EXT1: variants seen among roughly 807,000 people sequenced by gnomAD.
The protein encoded by EXT1 is exostosin glycosyltransferase 1, also known as exostosin-1.
Under a neutral mutation model 82.5 loss-of-function variants are expected in EXT1, and 20 were observed. That is an observed-to-expected ratio of 0.24 (90% CI 0.17 to 0.35). The LOEUF (loss-of-function observed/expected upper bound fraction) is 0.35, where lower values mean the gene tolerates loss of function less well. Among genes scored for constraint, EXT1 ranks in the 10% least tolerant of loss-of-function variants. The probability of loss-of-function intolerance (pLI) is 1.00; values close to 1 mark genes in which losing one functional copy is unlikely to be tolerated. For synonymous variants in EXT1, 348 were observed against 350.8 expected, an observed-to-expected ratio of 0.99 and a Z score of 0.09; for missense variants, 757 against 936.5, an observed-to-expected ratio of 0.81 and a Z score of 2.50.
At chr8:118,098,532 A>AGGTG (rs1817659991) in intron 1 of EXT1, among the ~76,000 whole-genome samples, 1 of 152,052 alleles carries the variant, frequency 6.6e-6, no homozygotes. Flanking sequence ...CGAGGCGGAC[A>AGGTG]GATCACGAGG....
intron 5 of EXT1, among the ~76,000 whole-genome samples, chr8:117,821,843 A>G (rs888915725): frequency 7.2e-5 from 11 of 152,224 alleles, no homozygotes; most frequent in Non-Finnish European, 1.5e-5. Context: ...GTCTAAGGCA[A>G]TAACAGTAGC....
Position 118,008,739 on chromosome 8 carries a change from A to C in EXT1, c.962+101346T>G, listed in dbSNP as rs1359388304. Among the ~76,000 whole-genome samples the C allele has an allele frequency of 4.6e-5, 7 of 152,048 alleles. No homozygotes were observed. In the East Asian group the frequency reaches 1.3e-3, roughly 29 times the overall value. On this transcript the variant is annotated intron_variant, in intron 1 of 10. Transcript: ENST00000378204. The stretch of plus-strand genomic sequence containing the variant: ...TTGTTTCTAATCTTTTCTTATTAAA[A>C]CCACAGCTGCAATTAAAAAAAAATA...
chr8:118,054,859 C>T, intron 1 of EXT1, among the ~76,000 whole-genome samples: 1 of 152,106 alleles, frequency 6.6e-6, no homozygotes, highest in East Asian at 1.9e-4. Context: ...GGTTCCGAGG[C>T]CGCTCTGAGA....
intron 1 of EXT1, among the ~76,000 whole-genome samples, chr8:117,899,119 A>G (rs1813396492): frequency 6.6e-6 from 1 of 152,254 alleles, no homozygotes; most frequent in South Asian, 2.1e-4. Flanking sequence ...TGATAAGCAC[A>G]CATTTACGCT....
At chr8:118,103,097 A>G (rs958995325) in intron 1 of EXT1, among the ~76,000 whole-genome samples, 6 of 152,166 alleles carry the variant, frequency 3.9e-5, no homozygotes, top group Non-Finnish European at 7.4e-5. Context: ...AGGTTGCGGT[A>G]AGCCGAGATC....
At position 118,111,322 on chromosome 8, in the gene EXT1, C is replaced by A; in HGVS notation, c.-276G>T. 1 of 597,098 alleles carries A rather than the reference C, an allele frequency of 1.7e-6. No homozygotes were observed. The highest frequency in any genetic ancestry group is 3.0e-6 in the Non-Finnish European group (1 of 337,028). The allele number at this position is 597,098 out of a possible 1,614,324, so 37.0% of individuals were successfully genotyped here. A position where few individuals can be genotyped will look rare whatever the true frequency, so the allele number is the denominator to read the frequency against. On this transcript the variant is annotated 5_prime_UTR_variant, in exon 1 of 11. Transcript: ENST00000378204. ...TCTCGCACCCAGGGCGGGCGAGCAG[C>A]GGACTGTAATTTTCTTGCATGCAAC...
At chr8:118,025,488 A>G (rs777065895) in intron 1 of EXT1, among the ~76,000 whole-genome samples, 2 of 152,232 alleles carry the variant, frequency 1.3e-5, no homozygotes, top group African/African-American at 2.4e-5. Context: ...ACCTTGAAAG[A>G]CAGCTGAAGG....
intron 1 of EXT1, among the ~76,000 whole-genome samples, chr8:118,044,863 C>G (rs1816597236): frequency 6.6e-6 from 1 of 152,210 alleles, no homozygotes; most frequent in Non-Finnish European, 1.5e-5. Flanking sequence ...TGGAACATAG[C>G]TCATTTGTTT....
chr8:118,075,582 TA>T (rs1817192867), intron 1 of EXT1, among the ~76,000 whole-genome samples: 1 of 152,154 alleles, frequency 6.6e-6, no homozygotes, highest in African/African-American at 2.4e-5. Flanking sequence ...TTTTATAGTT[TA>T]TATATGGTAT....
rs529545508 is a variant in EXT1 at position 118,046,684 on chromosome 8, T to C, written c.962+63401A>G. On this transcript the variant is annotated intron_variant, in intron 1 of 10. Transcript: ENST00000378204. ...ACATTTATATACTTCCCTTCTAAAA[T>C]TGAAAACTCCTGGAGGGTAGTGGTC... Among the ~76,000 whole-genome samples, 19 of 152,310 alleles carry C rather than the reference T, an allele frequency of 1.2e-4. No individual in the cohort carries two copies. In the East Asian group the frequency reaches 2.3e-3, roughly 19 times the overall value.
intron 1 of EXT1, among the ~76,000 whole-genome samples, chr8:117,931,004 C>A (rs1303601307): frequency 6.6e-6 from 1 of 152,230 alleles, no homozygotes; most frequent in Non-Finnish European, 1.5e-5. Flanking sequence ...AATGCCAAGA[C>A]GTTATCTTAT....
chr8:117,907,518 C>T (rs1273673768), intron 1 of EXT1, among the ~76,000 whole-genome samples: 4 of 152,134 alleles, frequency 2.6e-5, no homozygotes, highest in African/African-American at 4.8e-5. Flanking sequence ...CTGAATTCAC[C>T]TGCTTACTGT....
intron 1 of EXT1, among the ~76,000 whole-genome samples, chr8:117,987,815 C>T (rs764472707): frequency 6.6e-6 from 1 of 152,166 alleles, no homozygotes; most frequent in Non-Finnish European, 1.5e-5. Context: ...TGGTCAGGTG[C>T]TGTGGCTCAT....
intron 1 of EXT1, among the ~76,000 whole-genome samples, chr8:117,849,458 G>T (rs1812418898): frequency 6.6e-6 from 1 of 152,186 alleles, no homozygotes; most frequent in Admixed American, 6.5e-5. Context: ...TTCCTCATGG[G>T]TTTATAAAGC....
chr8:117,857,520 C>T (rs1048875503), intron 1 of EXT1, among the ~76,000 whole-genome samples: 9 of 139,040 alleles, frequency 6.5e-5, no homozygotes, highest in East Asian at 2.2e-4. Context: ...TTGGGCAACA[C>T]GGCAAGACTT....
At chr8:118,078,883 AC>A (rs1308887568) in intron 1 of EXT1, among the ~76,000 whole-genome samples, 3 of 152,224 alleles carry the variant, frequency 2.0e-5, no homozygotes, top group Non-Finnish European at 4.4e-5. Context: ...AAGAACAGTC[AC>A]ACTGAATTCC....
chr8:118,011,097 G>A (rs1320880190), intron 1 of EXT1, among the ~76,000 whole-genome samples: 4 of 152,212 alleles, frequency 2.6e-5, no homozygotes, highest in Non-Finnish European at 4.4e-5. Flanking sequence ...TGTCAGCATA[G>A]CATAGCAGCC....
chr8:118,080,055 T>G (rs1429033604), intron 1 of EXT1, among the ~76,000 whole-genome samples: 1 of 152,176 alleles, frequency 6.6e-6, no homozygotes, highest in Non-Finnish European at 1.5e-5. Flanking sequence ...AAGGCAAAAG[T>G]GGTCTCTGTT....
chr8:118,088,685 T>C (rs76427771), intron 1 of EXT1, among the ~76,000 whole-genome samples: 1 of 32,320 alleles, frequency 3.1e-5, no homozygotes, highest in East Asian at 4.4e-4. Context: ...ATGCCTTCTC[T>C]TTTTTTTTTT....
Sources: gnomAD v4.1 joint callset for allele counts (sites outside exome capture counted in the v4.1 genomes callset) on GRCh38, gnomAD v4.1.1 for gene constraint, MANE v1.5 for transcripts, NCBI Gene and HGNC (gene_info 2026-07-23, HGNC 2026-07-21) for gene names.